CFAP299: variants seen among roughly 807,000 people sequenced by gnomAD.
The protein encoded by CFAP299 is cilia and flagella associated protein 299, also known as cilia- and flagella-associated protein 299.
CFAP299 carries 21 observed loss-of-function variants against 27.0 expected under a neutral mutation model. The observed-to-expected ratio is 0.78, with a 90% CI of 0.55 to 1.12. CFAP299 has a LOEUF of 1.12. Ranked by LOEUF, CFAP299 falls within the 50% of genes most tolerant of loss-of-function variation. The probability of loss-of-function intolerance (pLI) is 0.00; values close to 1 mark genes in which losing one functional copy is unlikely to be tolerated. For missense variants in CFAP299, 310 were observed against 276.6 expected, an observed-to-expected ratio of 1.12 and a Z score of -0.86; for synonymous variants, 104 against 98.1, an observed-to-expected ratio of 1.06 and a Z score of -0.36.
intron 3 of CFAP299, among the ~76,000 whole-genome samples, chr4:80,644,535 G>A (rs770852070): frequency 2.0e-5 from 3 of 152,084 alleles, no homozygotes; most frequent in Admixed American, 6.6e-5. Context: ...CACTTTGCAC[G>A]TCGTGGACTT....
chr4:80,669,145 CTTTCT>C (rs1306672086), intron 3 of CFAP299, among the ~76,000 whole-genome samples: 8 of 16,430 alleles, frequency 4.9e-4, no homozygotes, highest in Admixed American at 2.8e-3. Flanking sequence ...TTCTTTCTTT[CTTTCT>C]TTTTTTTTTT....
intron 3 of CFAP299, among the ~76,000 whole-genome samples, chr4:80,668,221 G>A (rs1237482047): frequency 6.6e-6 from 1 of 151,472 alleles, no homozygotes; most frequent in Non-Finnish European, 1.5e-5. Flanking sequence ...CTTGTCAGAT[G>A]GATAGGTTGT....
Position 80,870,099 on chromosome 4 carries a change from G to T in CFAP299, c.440G>T (p.Gly147Val). Residue 147 changes from glycine to valine, a missense_variant, in exon 4 of 6, where the codon GGA becomes GTA. By Grantham distance (109) the Gly-to-Val change is moderately radical. Transcript: ENST00000358105. ...KTEDFEVYFT[G>V]KKRLLPRPTD... The stretch of plus-strand genomic sequence containing the variant: ...GAAGATTTTGAAGTCTACTTTACTG[G>T]AAAAAAAAGACTTCTTCCAAGGCCT... The T allele has an allele frequency of 6.2e-7, 1 of 1,609,654 alleles. No individual in the cohort carries two copies. Among genetic ancestry groups the T allele is most frequent in the Middle Eastern group, 1.7e-4 (1 of 6,018 alleles).
chr4:80,431,217 C>G (rs954445506), intron 2 of CFAP299, among the ~76,000 whole-genome samples: 22 of 152,142 alleles, frequency 1.4e-4, no homozygotes, highest in African/African-American at 5.3e-4. Flanking sequence ...CTGTTTTGTT[C>G]AGTAACTGGA....
intron 3 of CFAP299, among the ~76,000 whole-genome samples, chr4:80,614,939 T>TTA (rs1453471892): frequency 8.7e-6 from 1 of 115,340 alleles, no homozygotes; most frequent in Non-Finnish European, 2.0e-5. Flanking sequence ...TTATATTTAA[T>TTA]TATAGCTCCT....
chr4:80,584,793 C>T (rs1183690313), intron 3 of CFAP299, among the ~76,000 whole-genome samples: 1 of 151,812 alleles, frequency 6.6e-6, no homozygotes, highest in Non-Finnish European at 1.5e-5. Flanking sequence ...TTCACTTAGT[C>T]GTTAAACAGG....
intron 3 of CFAP299, among the ~76,000 whole-genome samples, chr4:80,817,928 A>G (rs1426890311): frequency 1.3e-5 from 2 of 151,864 alleles, no homozygotes; most frequent in Non-Finnish European, 2.9e-5. Context: ...TTTGCTGCAC[A>G]GATCATCCCA....
intron 2 of CFAP299, among the ~76,000 whole-genome samples, chr4:80,496,543 T>A (rs538826699): frequency 1.3e-5 from 2 of 152,332 alleles, no homozygotes; most frequent in Non-Finnish European, 2.9e-5. Context: ...ATTTAAGCAG[T>A]CTCTAAAAAG....
chr4:80,674,277 A>T (rs1042333064), intron 3 of CFAP299, among the ~76,000 whole-genome samples: 1 of 152,140 alleles, frequency 6.6e-6, no homozygotes. Context: ...CCCTTCACTT[A>T]TGAAGCATGG....
chr4:80,864,719 C>G (rs1456744952), intron 3 of CFAP299, among the ~76,000 whole-genome samples: 1 of 151,576 alleles, frequency 6.6e-6, no homozygotes, highest in African/African-American at 2.4e-5. Flanking sequence ...ATTTCCATAT[C>G]CCCTAAGGAA....
At chr4:80,432,555 C>T (rs531259727) in intron 2 of CFAP299, among the ~76,000 whole-genome samples, 1 of 77,534 alleles carries the variant, frequency 1.3e-5, no homozygotes, top group African/African-American at 4.7e-5. Flanking sequence ...TTTTTTGAGA[C>T]GGAGTCTCAC....
Position 80,436,549 on chromosome 4 carries a change from G to T in CFAP299, c.242+73665G>T, listed in dbSNP as rs185227642. ...AATCTCCTGACCTCATGATCCACCC[G>T]CCTTGGCCTCCCAAAGTGCTGGGAT... On this transcript the variant is annotated intron_variant, in intron 2 of 5. Coordinates refer to ENST00000358105, the MANE Select transcript of CFAP299 (RefSeq NM_152770.3). Among the ~76,000 whole-genome samples, 383 of 152,148 alleles carry T rather than the reference G, an allele frequency of 2.5e-3. 2 individuals carry two copies. The highest frequency in any genetic ancestry group is 8.6e-3 in the African/African-American group (358 of 41,508).
chr4:80,875,655 ACT>A (rs1295874077), intron 4 of CFAP299, among the ~76,000 whole-genome samples: 11 of 143,760 alleles, frequency 7.7e-5, no homozygotes, highest in Non-Finnish European at 1.7e-4. Context: ...AAAGAGTGAA[ACT>A]CTGTCTCAAA....
chr4:80,775,760 G>A (rs1726499877), intron 3 of CFAP299, among the ~76,000 whole-genome samples: 1 of 152,094 alleles, frequency 6.6e-6, no homozygotes, highest in Non-Finnish European at 1.5e-5. Context: ...AATAAAACAT[G>A]TTTGTCTGGG....
At chr4:80,589,606 T>TA (rs1217610502) in intron 3 of CFAP299, among the ~76,000 whole-genome samples, 3 of 151,988 alleles carry the variant, frequency 2.0e-5, no homozygotes, top group Admixed American at 6.6e-5. Flanking sequence ...TTTTACTAGT[T>TA]AAAAAAAATC....
chr4:80,564,448 A>G (rs1239201000), intron 2 of CFAP299, among the ~76,000 whole-genome samples: 1 of 152,076 alleles, frequency 6.6e-6, no homozygotes, highest in Non-Finnish European at 1.5e-5. Context: ...ATTTCAATTT[A>G]TGCTGAAAGA....
chr4:80,707,913 G>A (rs762008813), intron 3 of CFAP299, among the ~76,000 whole-genome samples: 1 of 152,100 alleles, frequency 6.6e-6, no homozygotes, highest in African/African-American at 2.4e-5. Context: ...TGATGAATCA[G>A]TAATTCTTTG....
At chr4:80,721,045 T>C (rs1460784906) in intron 3 of CFAP299, among the ~76,000 whole-genome samples, 1 of 152,132 alleles carries the variant, frequency 6.6e-6, no homozygotes. Context: ...GAATTAGCAG[T>C]CAAATCTTCA....
chr4:80,840,638 A>G (rs544606502), intron 3 of CFAP299, among the ~76,000 whole-genome samples: 3 of 151,994 alleles, frequency 2.0e-5, no homozygotes, highest in Non-Finnish European at 2.9e-5. Context: ...GTTTGTTTTG[A>G]TTTTTTTCCC....
Sources: gnomAD v4.1 joint callset for allele counts (sites outside exome capture counted in the v4.1 genomes callset) on GRCh38, gnomAD v4.1.1 for gene constraint, MANE v1.5 for transcripts, NCBI Gene and HGNC (gene_info 2026-07-23, HGNC 2026-07-21) for gene names.